Variants in SNAP91 observed in about 807,000 individuals in gnomAD.
SNAP91 encodes clathrin coat assembly protein AP180.
SNAP91 carries 27 observed loss-of-function variants against 100.3 expected under a neutral mutation model. That is an observed-to-expected ratio of 0.27 (90% CI 0.20 to 0.37). SNAP91 has a LOEUF of 0.37. Ranked by LOEUF, SNAP91 falls within the 10% of genes least tolerant of loss-of-function variation. The pLI is 1.00. For synonymous variants in SNAP91, 404 were observed against 398.6 expected, an observed-to-expected ratio of 1.01 and a Z score of -0.16; for missense variants, 986 against 1,123.7, an observed-to-expected ratio of 0.88 and a Z score of 1.75.
chr6:83,695,276 C>CAAAAAAA (rs56103542), intron 2 of SNAP91, among the ~76,000 whole-genome samples: 46 of 67,276 alleles, frequency 6.8e-4, no homozygotes, highest in East Asian at 1.4e-3. Context: ...GGCTCCATCT[C>CAAAAAAA]AAAAAAAAAA....
rs931803791 is a variant in SNAP91 at position 83,554,121 on chromosome 6, T to C, written c.*175A>G. 5.8e-6 allele frequency: 1 copy of C among 172,420 alleles called. No homozygotes were observed. Among genetic ancestry groups the C allele is most frequent in the Non-Finnish European group, 1.3e-5 (1 of 78,596 alleles). 10.7% of individuals were successfully genotyped at this position (172,420 alleles called of 1,614,324 possible). ...AGAGTAGGGATAACAGCTAAGGTAG[T>C]ACATATTCCTAATGTTCACTTTCAC... is the stretch of plus-strand genomic sequence containing the variant. On this transcript the variant is annotated 3_prime_UTR_variant, in exon 30 of 30. Coordinates refer to ENST00000369694, the MANE Select transcript of SNAP91 (RefSeq NM_001242792.2).
intron 2 of SNAP91, among the ~76,000 whole-genome samples, chr6:83,668,052 T>C (rs554267719): frequency 6.6e-6 from 1 of 152,256 alleles, no homozygotes; most frequent in Admixed American, 6.5e-5. Context: ...AAAGAAGACA[T>C]TTATGCAGCC....
chr6:83,643,307 G>T (rs2097784867), intron 7 of SNAP91, among the ~76,000 whole-genome samples: 1 of 152,176 alleles, frequency 6.6e-6, no homozygotes, highest in Non-Finnish European at 1.5e-5. Context: ...TTCTTCTAGG[G>T]TGTTTATGGT....
intron 16 of SNAP91, among the ~76,000 whole-genome samples, chr6:83,597,120 A>G (rs950219147): frequency 1.3e-5 from 2 of 152,086 alleles, no homozygotes; most frequent in African/African-American, 4.8e-5. Context: ...AAATATTATC[A>G]ACTTAACTCA....
intron 2 of SNAP91, among the ~76,000 whole-genome samples, chr6:83,673,001 C>T (rs190855808): frequency 6.6e-6 from 1 of 152,224 alleles, no homozygotes; most frequent in East Asian, 1.9e-4. Flanking sequence ...TGAGCTTCCA[C>T]AAGGAGAAAT....
At chr6:83,658,833 G>A (rs556872826) in intron 6 of SNAP91, among the ~76,000 whole-genome samples, 166 bp downstream of exon 6, 1 of 151,966 alleles carries the variant, frequency 6.6e-6, no homozygotes, top group Non-Finnish European at 1.5e-5. Flanking sequence ...GAAAAATCAG[G>A]GGAACCTAAA....
intron 8 of SNAP91, among the ~76,000 whole-genome samples, chr6:83,627,550 A>G (rs2096991972): frequency 1.3e-5 from 2 of 151,898 alleles, no homozygotes; most frequent in African/African-American, 4.8e-5. Context: ...CCAATAACGG[A>G]GTTTCAACTT....
intron 8 of SNAP91, 123 bp downstream of exon 8, chr6:83,640,973 G>A (rs1391349423): frequency 3.8e-6 from 2 of 523,832 alleles, no homozygotes; most frequent in Non-Finnish European, 3.2e-6. Flanking sequence ...AATATACTGT[G>A]ACTCCGAGGC....
Position 83,661,528 on chromosome 6 carries a change from G to A in SNAP91, c.426C>T (p.Ala142=). Residue 142 remains alanine (A), a synonymous_variant, in exon 5 of 30, where the codon GCC becomes GCT. Transcript: ENST00000369694. ...CTTTCTTCACCCTGGCAAAATCAAA[G>A]GCCATCTGTCTGTAAGAAAAAGCCT... The part of the protein sequence containing the change: ...NEKAFSYRQM[A]FDFARVKKGA... The A allele has an allele frequency of 6.2e-7, 1 of 1,608,860 alleles. No homozygotes were observed. Among genetic ancestry groups the A allele is most frequent in the Non-Finnish European group, 8.5e-7 (1 of 1,177,580 alleles).
At chr6:83,683,465 T>C (rs2128930454) in intron 2 of SNAP91, among the ~76,000 whole-genome samples, 1 of 152,224 alleles carries the variant, frequency 6.6e-6, no homozygotes, top group East Asian at 1.9e-4. Context: ...ATCTGATTGT[T>C]AAAAAGAGCC....
At chr6:83,701,892 A>C (rs1314615552) in intron 2 of SNAP91, among the ~76,000 whole-genome samples, 1 of 152,236 alleles carries the variant, frequency 6.6e-6, no homozygotes, top group Non-Finnish European at 1.5e-5. Flanking sequence ...TGTGGGCTTC[A>C]GGGTACAACT....
intron 7 of SNAP91, among the ~76,000 whole-genome samples, chr6:83,644,331 A>G (rs753470102): frequency 5.9e-5 from 9 of 152,148 alleles, no homozygotes; most frequent in Non-Finnish European, 8.8e-5. Flanking sequence ...AATTGTTTCT[A>G]TAATAGTAGC....
Position 83,592,495 on chromosome 6 carries a change from T to C in SNAP91, c.1890A>G (p.Pro630=), listed in dbSNP as rs769408827. The part of the protein sequence containing the change: ...AAPSPATTAS[P]AKVDSSGVID... ...TGACACCTGAAGAATCCACCTTTGC[T>C]GGCGAGGCAGTGGTTGCAGGAGATG... The change falls in exon 21 of 30, where the codon CCA becomes CCG. Residue 630 remains proline (P), a synonymous_variant. Transcript: ENST00000369694. 3.1e-6 allele frequency: 5 copies of C among 1,612,108 alleles called. No individual in the cohort carries two copies. Among genetic ancestry groups the C allele is most frequent in the Non-Finnish European group, 4.2e-6 (5 of 1,179,090 alleles).
At chr6:83,656,134 AC>A (rs2098399184) in intron 7 of SNAP91, among the ~76,000 whole-genome samples, 1 of 152,208 alleles carries the variant, frequency 6.6e-6, no homozygotes, top group Non-Finnish European at 1.5e-5. Context: ...ATGATAAGGT[AC>A]TTGAAAAAAA....
intron 16 of SNAP91, among the ~76,000 whole-genome samples, chr6:83,596,349 C>G (rs181799579): frequency 1.3e-5 from 2 of 152,256 alleles, no homozygotes; most frequent in African/African-American, 4.8e-5. Context: ...TACTTCAGGA[C>G]TTAGAGCAAC....
At chr6:83,686,114 T>A (rs2099057088) in intron 2 of SNAP91, 15 of 955,154 alleles carry the variant, frequency 1.6e-5, no homozygotes, top group African/African-American at 3.5e-5. Context: ...ACCTGGAACA[T>A]ACTCTGCTTT....
At chr6:83,566,406 A>T (rs1156679271) in intron 26 of SNAP91, among the ~76,000 whole-genome samples, 1 of 152,204 alleles carries the variant, frequency 6.6e-6, no homozygotes, top group Non-Finnish European at 1.5e-5. Context: ...TACCTATAAA[A>T]TTATATTTCA....
chr6:83,610,531 TAG>T, intron 12 of SNAP91, 117 bp downstream of exon 12: 1 of 316,742 alleles, frequency 3.2e-6, no homozygotes, highest in Middle Eastern at 3.8e-4. Context: ...CGGAAATGGA[TAG>T]AGAGGATGGT....
intron 14 of SNAP91, 62 bp downstream of exon 14, chr6:83,605,623 C>T: frequency 6.5e-7 from 1 of 1,542,422 alleles, no homozygotes; most frequent in East Asian, 2.5e-5. Context: ...CAATTATAGC[C>T]TAAGTAAAAA....
Sources: allele counts gnomAD v4.1 joint callset (sites outside exome capture counted in the v4.1 genomes callset), GRCh38; gene constraint gnomAD v4.1.1; transcripts MANE v1.5; gene names NCBI Gene and HGNC (gene_info 2026-07-23, HGNC 2026-07-21).